Variants in TTC28 observed in about 807,000 individuals in gnomAD.
The protein encoded by TTC28 is tetratricopeptide repeat domain 28.
Under a neutral mutation model 198.0 loss-of-function variants are expected in TTC28, and 61 were observed. The ratio of observed to expected loss-of-function variants is 0.31; its 90% confidence interval spans 0.25 to 0.38. The LOEUF is 0.38. Among genes scored for constraint, TTC28 ranks in the 10% least tolerant of loss-of-function variants. TTC28 has a pLI of 1.00. For synonymous variants in TTC28, 1,171 were observed against 1,297.8 expected, an observed-to-expected ratio of 0.90 and a Z score of 2.10; for missense variants, 2,678 against 3,164.0, an observed-to-expected ratio of 0.85 and a Z score of 3.69.
chr22:28,516,867 CGTGAAAACATTAT>C (rs2048799222), intron 2 of TTC28, among the ~76,000 whole-genome samples: 1 of 151,924 alleles, frequency 6.6e-6, no homozygotes, highest in Non-Finnish European at 1.5e-5. Flanking sequence ...CATATACATA[CGTGAAAACATTAT>C]GTTGTACACC....
At chr22:28,106,069 T>C (rs115661681) in intron 7 of TTC28, among the ~76,000 whole-genome samples, 1 of 152,192 alleles carries the variant, frequency 6.6e-6, no homozygotes, top group Non-Finnish European at 1.5e-5. Context: ...ACATAAAATA[T>C]ATTAATAGGC....
chr22:28,120,167 C>T (rs939690562), intron 6 of TTC28, among the ~76,000 whole-genome samples: 5 of 151,988 alleles, frequency 3.3e-5, no homozygotes, highest in Admixed American at 6.6e-5. Context: ...GCACAAAATA[C>T]CAAGTATGTG....
chr22:28,628,714 C>A (rs544726293), intron 2 of TTC28, among the ~76,000 whole-genome samples: 2 of 152,196 alleles, frequency 1.3e-5, no homozygotes, highest in African/African-American at 4.8e-5. Context: ...CCGAGGCAGG[C>A]AGATTGCTTG....
intron 2 of TTC28, among the ~76,000 whole-genome samples, chr22:28,429,186 G>C (rs928836690): frequency 8.5e-5 from 13 of 152,160 alleles, no homozygotes; most frequent in Non-Finnish European, 4.4e-5. Flanking sequence ...TAGTAGAACA[G>C]GGCTACACAC....
At chr22:28,120,312 A>G (rs562785647) in intron 6 of TTC28, among the ~76,000 whole-genome samples, 2 of 152,220 alleles carry the variant, frequency 1.3e-5, no homozygotes, top group South Asian at 2.1e-4. Context: ...TATATTGTTG[A>G]GCTTAATTAA....
intron 5 of TTC28, among the ~76,000 whole-genome samples, chr22:28,214,539 C>G (rs931331951): frequency 6.6e-6 from 1 of 152,196 alleles, no homozygotes. Flanking sequence ...AATTGCTCAT[C>G]ATCAATGGCC....
intron 2 of TTC28, among the ~76,000 whole-genome samples, chr22:28,383,411 C>G (rs1347383624): frequency 6.6e-6 from 1 of 152,186 alleles, no homozygotes; most frequent in African/African-American, 2.4e-5. Flanking sequence ...TTCAGGGTAA[C>G]TGGCTACGGT....
chr22:28,322,432 A>G (rs978320954), intron 2 of TTC28, among the ~76,000 whole-genome samples: 1 of 152,208 alleles, frequency 6.6e-6, no homozygotes, highest in South Asian at 2.1e-4. Context: ...ACAAATATAA[A>G]TTAACTACTT....
At chr22:28,431,587 T>C (rs901966549) in intron 2 of TTC28, among the ~76,000 whole-genome samples, 3 of 152,196 alleles carry the variant, frequency 2.0e-5, no homozygotes, top group African/African-American at 7.2e-5. Context: ...TGATATCTCT[T>C]ACAGTTAGAA....
chr22:28,228,754 C>A (rs1441451864), intron 5 of TTC28, among the ~76,000 whole-genome samples: 1 of 152,048 alleles, frequency 6.6e-6, no homozygotes, highest in South Asian at 2.1e-4. Flanking sequence ...CACTCAAGAT[C>A]TGAGGAAGGT....
chr22:28,123,319 G>C (rs745698989), intron 6 of TTC28, among the ~76,000 whole-genome samples: 145 of 151,914 alleles, frequency 9.5e-4, no homozygotes, highest in Admixed American at 4.1e-3. Flanking sequence ...GCAATGGCAC[G>C]ATCGTGGCTC....
intron 2 of TTC28, among the ~76,000 whole-genome samples, chr22:28,604,828 T>C (rs1467466398): frequency 1.3e-5 from 2 of 152,158 alleles, no homozygotes; most frequent in Non-Finnish European, 2.9e-5. Flanking sequence ...CCTTTAAAAG[T>C]TGTGTCCTGA....
chr22:28,017,018 A>C (rs1430653323), intron 13 of TTC28, among the ~76,000 whole-genome samples: 1 of 152,212 alleles, frequency 6.6e-6, no homozygotes, highest in African/African-American at 2.4e-5. Context: ...GTCTGGAAGA[A>C]GTGGTGGGCA....
intron 1 of TTC28, among the ~76,000 whole-genome samples, chr22:28,648,769 C>T (rs1173756976): frequency 1.3e-5 from 2 of 152,012 alleles, no homozygotes; most frequent in Admixed American, 6.6e-5. Flanking sequence ...ATTAGCTGGG[C>T]GTGGTGGCCT....
At chr22:28,006,089 G>A (rs1354794706) in intron 14 of TTC28, among the ~76,000 whole-genome samples, 1 of 152,182 alleles carries the variant, frequency 6.6e-6, no homozygotes, top group East Asian at 1.9e-4. Context: ...AGAATAGGGG[G>A]TCTGAGGGGA....
chr22:28,106,299 A>C (rs1380156517), intron 7 of TTC28, among the ~76,000 whole-genome samples: 1 of 152,156 alleles, frequency 6.6e-6, no homozygotes, highest in East Asian at 1.9e-4. Context: ...CTGCAGACAC[A>C]GGCACCTTCT....
Position 28,306,497 on chromosome 22 carries a change from T to C in TTC28, c.528A>G (p.Arg176=). 1 of 1,549,510 alleles carries C rather than the reference T, an allele frequency of 6.5e-7. No individual in the cohort carries two copies. Among genetic ancestry groups the C allele is most frequent in the Non-Finnish European group, 8.7e-7 (1 of 1,146,392 alleles). ...ACCAAGTACTTTTATCATATTTACCTCTCATGGGAGATTTCATGGCGGCTT... is the reference window on the plus strand; with the variant it reads ...ACCAAGTACTTTTATCATATTTACCCCTCATGGGAGATTTCATGGCGGCTT... The part of the protein sequence containing the change: ...MVEAAMKSPM[R]DSLEPTYQQL... Residue 176 remains arginine (R), a splice_region_variant and synonymous_variant, in exon 3 of 23, where the codon AGA becomes AGG. Transcript: ENST00000397906.
chr22:28,211,322 A>C (rs1043213900), intron 5 of TTC28, among the ~76,000 whole-genome samples: 6 of 152,198 alleles, frequency 3.9e-5, no homozygotes, highest in Admixed American at 2.6e-4. Context: ...GCTCCAATTA[A>C]AAGACACAGA....
chr22:28,272,284 T>C (rs756362708), intron 5 of TTC28, among the ~76,000 whole-genome samples: 6 of 152,196 alleles, frequency 3.9e-5, no homozygotes, highest in Admixed American at 2.6e-4. Flanking sequence ...CAAGGTTGAA[T>C]TGATTTTATA....
Sources: allele counts gnomAD v4.1 joint callset (sites outside exome capture counted in the v4.1 genomes callset), GRCh38; gene constraint gnomAD v4.1.1; transcripts MANE v1.5; gene names NCBI Gene and HGNC (gene_info 2026-07-23, HGNC 2026-07-21).